The following UBE2L6 variants were observed in gnomAD, a reference collection of about 807,000 sequenced individuals.
UBE2L6 encodes ubiquitin/ISG15-conjugating enzyme E2 L6.
A neutral mutation model predicts 13.6 loss-of-function variants in UBE2L6; 11 were observed. The observed-to-expected ratio is 0.81, with a 90% CI of 0.51 to 1.34. UBE2L6 has a LOEUF of 1.34. Ranked by LOEUF, UBE2L6 falls within the 40% of genes most tolerant of loss-of-function variation. The pLI, the probability that UBE2L6 is intolerant of heterozygous loss-of-function variation, is 0.00. For synonymous variants in UBE2L6, 74 were observed against 83.2 expected (o/e 0.89, Z 0.60); for missense variants, 197 against 199.5 (o/e 0.99, Z 0.07).
At chr11:57,556,209 G>T (rs1420641662) in intron 2 of UBE2L6, among the ~76,000 whole-genome samples, 1 of 152,072 alleles carries the variant, frequency 6.6e-6, no homozygotes, top group Admixed American at 6.6e-5. Context: ...AACTAGGTCA[G>T]GTGCGGTGCC....
At chr11:57,565,338 A>G (rs988999489) in intron 1 of UBE2L6, among the ~76,000 whole-genome samples, 12 of 148,802 alleles carry the variant, frequency 8.1e-5, no homozygotes, top group Non-Finnish European at 1.6e-4. Flanking sequence ...AAGTTAAAGT[A>G]TACAGTTTGT....
intron 2 of UBE2L6, among the ~76,000 whole-genome samples, chr11:57,555,846 G>C (rs1054842066): frequency 6.6e-6 from 1 of 152,148 alleles, no homozygotes; most frequent in African/African-American, 2.4e-5. Flanking sequence ...CTGGGATTAC[G>C]AGCGTGAGCC....
At chr11:57,562,760 TAC>T (rs1312319610) in intron 1 of UBE2L6, among the ~76,000 whole-genome samples, 1 of 152,254 alleles carries the variant, frequency 6.6e-6, no homozygotes, top group Non-Finnish European at 1.5e-5. Flanking sequence ...CTGCAAGAAC[TAC>T]AGTGTTACTA....
At chr11:57,567,104 C>A (rs1368483276) in intron 1 of UBE2L6, 11 of 457,176 alleles carry the variant, frequency 2.4e-5, no homozygotes, top group Non-Finnish European at 4.8e-5. Context: ...AAATTCTAAT[C>A]AGCATTCCGT....
intron 1 of UBE2L6, among the ~76,000 whole-genome samples, chr11:57,564,430 C>G (rs1022204312): frequency 6.6e-6 from 1 of 152,152 alleles, no homozygotes; most frequent in Non-Finnish European, 1.5e-5. Flanking sequence ...GAGATACCAT[C>G]GACACCAGAC....
chr11:57,553,447 T>C (rs531158935), intron 3 of UBE2L6, among the ~76,000 whole-genome samples: 10 of 152,320 alleles, frequency 6.6e-5, no homozygotes, highest in South Asian at 2.1e-4. Flanking sequence ...TGAGCCAAGA[T>C]TGCGCCACTG....
upstream of UBE2L6, chr11:57,567,717 G>T: frequency 8.7e-7 from 1 of 1,148,862 alleles, no homozygotes; most frequent in Non-Finnish European, 1.1e-6. Context: ...CGGCAGCCCC[G>T]CCCACCCCTC....
At chr11:57,562,062 T>C (rs1945051981) in intron 1 of UBE2L6, among the ~76,000 whole-genome samples, 1 of 152,144 alleles carries the variant, frequency 6.6e-6, no homozygotes, top group Non-Finnish European at 1.5e-5. Context: ...AACAAAGAAT[T>C]ATCTGGCCGA....
rs140725358 is a variant in UBE2L6 at position 57,560,393 on chromosome 11, G to T, written c.67C>A (p.Arg23=). 10 of 1,613,720 alleles carry T rather than the reference G, an allele frequency of 6.2e-6. No homozygotes were observed. The African/African-American group carries it at 1.1e-4, about 17-fold the overall frequency. ...DLQKKPPPYL[R]NLSSDDANVL... Reference sequence around the variant, plus strand: ...TTGGCATCATCGCTGGACAGGTTCCGCAGGTATGGGGGAGGCTTCTTCTGA... The same window carrying T: ...TTGGCATCATCGCTGGACAGGTTCCTCAGGTATGGGGGAGGCTTCTTCTGA... Residue 23 remains arginine, a synonymous_variant, in exon 2 of 4, where the codon CGG becomes AGG. Coordinates refer to ENST00000287156, the MANE Select transcript of UBE2L6 (RefSeq NM_004223.5).
rs186844387 is a variant in UBE2L6 at position 57,551,934 on chromosome 11, T to G, written c.*424A>C. On this transcript the variant is annotated 3_prime_UTR_variant, in exon 4 of 4. Coordinates refer to ENST00000287156, the MANE Select transcript of UBE2L6 (RefSeq NM_004223.5). ...TGACTCAGTTGTAAATAGGGTACCC[T>G]CCATCTGTCTCCCACCCATATGCTC... The G allele has an allele frequency of 3.5e-4, 58 of 164,686 alleles. No homozygotes were observed. The highest frequency in any genetic ancestry group is 2.4e-5 in the African/African-American group (1 of 41,972). 10.2% of individuals were successfully genotyped at this position (164,686 alleles called of 1,614,324 possible). A position where few individuals can be genotyped will look rare whatever the true frequency, so the allele number is the denominator to read the frequency against.
At chr11:57,565,268 GA>G (rs1297768423) in intron 1 of UBE2L6, among the ~76,000 whole-genome samples, 2 of 151,140 alleles carry the variant, frequency 1.3e-5, no homozygotes, top group Non-Finnish European at 2.9e-5. Context: ...GAAAGAAAGG[GA>G]GAGAGAAAGA....
At position 57,552,150 on chromosome 11, in the gene UBE2L6, G is replaced by A; in HGVS notation, c.*208C>T. ...AAGGGTGTGGGAAGGGTGCACCTGTGGCCAGGTGAACCTGGGAGTGAGTCC... is the reference window on the plus strand; with the variant it reads ...AAGGGTGTGGGAAGGGTGCACCTGTAGCCAGGTGAACCTGGGAGTGAGTCC... On this transcript the variant is annotated 3_prime_UTR_variant, in exon 4 of 4. Transcript: ENST00000287156. 1.5e-6 allele frequency: 1 copy of A among 662,450 alleles called. No homozygotes were observed. The highest frequency in any genetic ancestry group is 2.5e-6 in the Non-Finnish European group (1 of 397,288). The allele number at this position is 662,450 out of a possible 1,614,324, so 41.0% of individuals were successfully genotyped here.
chr11:57,560,553 T>TA (rs1385727167), intron 1 of UBE2L6, 121 bp from the exon 2 acceptor site: 1 of 698,216 alleles, frequency 1.4e-6, no homozygotes, highest in East Asian at 2.6e-5. Flanking sequence ...CAGAAGCCGG[T>TA]AAAGTCAGAG....
intron 2 of UBE2L6, among the ~76,000 whole-genome samples, chr11:57,556,477 G>A (rs559491000): frequency 3.2e-4 from 48 of 151,796 alleles, no homozygotes; most frequent in Admixed American, 2.2e-3. Context: ...TCCGCTACAC[G>A]GGAGGCTGAG....
chr11:57,566,386 C>A (rs866541081), intron 1 of UBE2L6, among the ~76,000 whole-genome samples: 6 of 152,290 alleles, frequency 3.9e-5, no homozygotes, highest in African/African-American at 1.4e-4. Flanking sequence ...TTTCATATTC[C>A]AGTCCCATTG....
At chr11:57,562,299 G>A (rs1034066324) in intron 1 of UBE2L6, among the ~76,000 whole-genome samples, 1 of 152,236 alleles carries the variant, frequency 6.6e-6, no homozygotes. Flanking sequence ...TGCCAGCTTA[G>A]CTGCAGTAGC....
chr11:57,564,485 T>A (rs1244363115), intron 1 of UBE2L6, among the ~76,000 whole-genome samples: 1 of 152,064 alleles, frequency 6.6e-6, no homozygotes, highest in East Asian at 1.9e-4. Flanking sequence ...AATCAGAAAT[T>A]TAAAAAAATT....
chr11:57,561,515 CA>C (rs1274091974), intron 1 of UBE2L6, among the ~76,000 whole-genome samples: 13 of 152,218 alleles, frequency 8.5e-5, no homozygotes, highest in Admixed American at 7.2e-4. Flanking sequence ...GAAGGTTTCA[CA>C]GAGGGTGCAC....
chr11:57,554,547 A>G lies in UBE2L6; in HGVS notation c.200T>C (p.Met67Thr), dbSNP rs571633324. The G allele has an allele frequency of 3.8e-5, 62 of 1,612,544 alleles. No individual in the cohort carries two copies. In the South Asian group the frequency reaches 6.2e-4, roughly 16 times the overall value. ...FPPEYPFKPP[M>T]IKFTTKIYHP... ...GTAGATCTTGGTTGTGAATTTGATCATGGGAGGCTTGAACGGATACTCCGG... is the reference window on the plus strand; with the variant it reads ...GTAGATCTTGGTTGTGAATTTGATCGTGGGAGGCTTGAACGGATACTCCGG... Residue 67 changes from methionine to threonine, a missense_variant, in exon 3 of 4, where the codon ATG becomes ACG. Transcript: ENST00000287156.
Sources: allele counts gnomAD v4.1 joint callset (sites outside exome capture counted in the v4.1 genomes callset), GRCh38; gene constraint gnomAD v4.1.1; transcripts MANE v1.5; gene names NCBI Gene and HGNC (gene_info 2026-07-23, HGNC 2026-07-21).